SPIDR: variants seen among roughly 807,000 people sequenced by gnomAD.
SPIDR encodes the protein DNA repair-scaffolding protein.
Under a neutral mutation model 104.6 loss-of-function variants are expected in SPIDR, and 93 were observed. The observed-to-expected ratio is 0.89, with a 90% confidence interval of 0.75 to 1.06. The LOEUF is 1.06. Among genes scored for constraint, SPIDR ranks in the 50% least tolerant of loss-of-function variants. The pLI, the probability that SPIDR is intolerant of heterozygous loss-of-function variation, is 0.00. For missense variants in SPIDR, 1,154 were observed against 1,111.2 expected (o/e 1.04, Z -0.55); for synonymous variants, 431 against 416.9 (o/e 1.03, Z -0.41).
chr8:47,579,301 C>A (rs2059463576), intron 8 of SPIDR, among the ~76,000 whole-genome samples: 1 of 152,134 alleles, frequency 6.6e-6, no homozygotes, highest in African/African-American at 2.4e-5. Context: ...CTTTTCAAAT[C>A]CAGTCAGTCA....
chr8:47,511,817 G>C (rs2082372922), intron 8 of SPIDR: 1 of 983,496 alleles, frequency 1.0e-6, no homozygotes, highest in Non-Finnish European at 1.7e-6. Context: ...TTCTTTCTGG[G>C]AGGGCCAACA....
intron 8 of SPIDR, among the ~76,000 whole-genome samples, chr8:47,582,431 G>A (rs1158972290): frequency 6.6e-6 from 1 of 152,124 alleles, no homozygotes; most frequent in African/African-American, 2.4e-5. Flanking sequence ...TGCTAGGAGG[G>A]TATTTCACCG....
At chr8:47,496,055 C>T (rs187619108) in intron 8 of SPIDR, among the ~76,000 whole-genome samples, 440 of 152,092 alleles carry the variant, frequency 2.9e-3, no homozygotes, top group Non-Finnish European at 4.5e-3. Context: ...GATCTTGTAT[C>T]ATATAAACTT....
intron 5 of SPIDR, among the ~76,000 whole-genome samples, chr8:47,382,632 C>G (rs781806969): frequency 6.6e-6 from 1 of 152,082 alleles, no homozygotes; most frequent in Non-Finnish European, 1.5e-5. Context: ...AGGATGGTCT[C>G]GATCTCTTGA....
chr8:47,416,570 A>G (rs534241573), intron 7 of SPIDR, among the ~76,000 whole-genome samples: 1 of 152,238 alleles, frequency 6.6e-6, no homozygotes, highest in South Asian at 2.1e-4. Context: ...TGTTATGGTA[A>G]GGGCATGTTT....
chr8:47,728,853 T>C, intron 17 of SPIDR, 80 bp from the exon 18 acceptor site: 2 of 1,498,202 alleles, frequency 1.3e-6, no homozygotes, highest in Non-Finnish European at 1.8e-6. Context: ...ACACTCATGT[T>C]TAAGAAAATG....
At chr8:47,478,748 A>G (rs145671885) in intron 8 of SPIDR, among the ~76,000 whole-genome samples, 1 of 152,344 alleles carries the variant, frequency 6.6e-6, no homozygotes, top group East Asian at 1.9e-4. Flanking sequence ...ATAAAGTGTA[A>G]TTGCTGTGAG....
At chr8:47,411,875 C>T (rs1440220015) in intron 7 of SPIDR, among the ~76,000 whole-genome samples, 1 of 152,198 alleles carries the variant, frequency 6.6e-6, no homozygotes, top group Non-Finnish European at 1.5e-5. Flanking sequence ...CTACATATCG[C>T]TACCTAGTTT....
At chr8:47,362,535 G>A (rs1358434954) in intron 5 of SPIDR, among the ~76,000 whole-genome samples, 8 of 152,156 alleles carry the variant, frequency 5.3e-5, no homozygotes, top group Non-Finnish European at 1.5e-5. Context: ...TATTGATTGT[G>A]TCTTCCTCTG....
chr8:47,401,595 G>C (rs922681864), intron 6 of SPIDR, among the ~76,000 whole-genome samples: 2 of 152,030 alleles, frequency 1.3e-5, no homozygotes, highest in East Asian at 3.9e-4. Context: ...CCCATCTCAC[G>C]TGCAGAGACA....
At chr8:47,413,623 G>A (rs912628785) in intron 7 of SPIDR, among the ~76,000 whole-genome samples, 3 of 152,152 alleles carry the variant, frequency 2.0e-5, no homozygotes, top group Non-Finnish European at 2.9e-5. Flanking sequence ...GCAAAACATG[G>A]GCGAACTTTG....
intron 3 of SPIDR, among the ~76,000 whole-genome samples, chr8:47,288,941 A>G (rs2039390029): frequency 6.6e-6 from 1 of 151,972 alleles, no homozygotes; most frequent in Admixed American, 6.6e-5. Context: ...TACATCTGGT[A>G]TATTGTTAGT....
At position 47,591,653 on chromosome 8, in the gene SPIDR, G is replaced by A. The variant is rs184767540; in HGVS notation, c.1098-4158G>A. ...AATCAATCAAGCTTGTCCATCTACA[G>A]CATCTAAATAAAGTTAGACTTGGCT... On this transcript the variant is annotated intron_variant, in intron 8 of 19. Transcript: ENST00000297423. Among the ~76,000 whole-genome samples, 536 of 151,952 alleles carry A rather than the reference G, an allele frequency of 3.5e-3. 6 individuals are homozygous for A. Among genetic ancestry groups the A allele is most frequent in the African/African-American group, 0.012 (508 of 41,436 alleles).
intron 8 of SPIDR, among the ~76,000 whole-genome samples, chr8:47,537,789 G>T (rs1231794392): frequency 6.6e-6 from 1 of 152,148 alleles, no homozygotes; most frequent in Non-Finnish European, 1.5e-5. Context: ...AACTGAGATA[G>T]GTGAGAGGGT....
At chr8:47,468,898 A>G (rs998900062) in intron 8 of SPIDR, among the ~76,000 whole-genome samples, 3 of 152,214 alleles carry the variant, frequency 2.0e-5, no homozygotes, top group Admixed American at 1.3e-4. Context: ...AGAGACAACT[A>G]TCGACAGCCT....
intron 5 of SPIDR, among the ~76,000 whole-genome samples, chr8:47,363,199 CTTTTTTTTTTTTT>C (rs34705214): frequency 1.3e-5 from 1 of 79,694 alleles, no homozygotes; most frequent in Non-Finnish European, 2.3e-5. Flanking sequence ...CTTTATCTCT[CTTTTTTTTTTTTT>C]TTTTTTTTTT....
chr8:47,286,048 T>C (rs1357465603), intron 3 of SPIDR, among the ~76,000 whole-genome samples: 1 of 152,220 alleles, frequency 6.6e-6, no homozygotes, highest in African/African-American at 2.4e-5. Context: ...GTGCCTATAA[T>C]TCATGGGTTT....
intron 1 of SPIDR, among the ~76,000 whole-genome samples, chr8:47,266,857 A>G (rs2034175717): frequency 6.6e-6 from 1 of 152,208 alleles, no homozygotes; most frequent in South Asian, 2.1e-4. Flanking sequence ...TCATGACCCC[A>G]AAAAGAAACC....
intron 5 of SPIDR, among the ~76,000 whole-genome samples, chr8:47,379,462 G>A (rs9650144): frequency 0.048 from 7,251 of 152,214 alleles, 208 homozygotes; most frequent in Middle Eastern, 0.061. Flanking sequence ...CCTGGGAGGC[G>A]GAGGTTGTAG....
Sources: allele counts gnomAD v4.1 joint callset (sites outside exome capture counted in the v4.1 genomes callset), GRCh38; gene constraint gnomAD v4.1.1; transcripts MANE v1.5; gene names NCBI Gene and HGNC (gene_info 2026-07-23, HGNC 2026-07-21).